PCDH15: variants seen among roughly 807,000 people sequenced by gnomAD.
The protein encoded by PCDH15 is protocadherin related 15, also known as protocadherin-15.
A neutral mutation model predicts 178.5 loss-of-function variants in PCDH15; 129 were observed. That is an observed-to-expected ratio of 0.72 (90% confidence interval 0.63 to 0.84). The LOEUF is 0.84. Among genes scored for constraint, PCDH15 ranks in the 40% least tolerant of loss-of-function variants. PCDH15 has a pLI of 0.00. For missense variants in PCDH15, 2,230 were observed against 2,099.9 expected, an observed-to-expected ratio of 1.06 and a Z score of -1.21; for synonymous variants, 800 against 732.0, an observed-to-expected ratio of 1.09 and a Z score of -1.50.
intron 25 of PCDH15, among the ~76,000 whole-genome samples, chr10:53,920,781 T>G (rs1004580201): frequency 2.0e-5 from 3 of 152,176 alleles, no homozygotes; most frequent in African/African-American, 7.2e-5. Flanking sequence ...ACATTTTTTT[T>G]CCTCCTGAAA....
chr10:53,876,468 G>A (rs1002909787), intron 26 of PCDH15, among the ~76,000 whole-genome samples: 2 of 152,078 alleles, frequency 1.3e-5, no homozygotes, highest in Non-Finnish European at 2.9e-5. Context: ...TTACAGGCAT[G>A]AGCCACCGCG....
intron 1 of PCDH15, among the ~76,000 whole-genome samples, chr10:55,182,664 T>C (rs144699546): frequency 1.1e-4 from 16 of 152,124 alleles, no homozygotes; most frequent in Middle Eastern, 3.4e-3. Context: ...ATGGTATGTA[T>C]GATGTAAGTG....
chr10:53,822,891 G>C lies in PCDH15; in HGVS notation c.4368-2661C>G, dbSNP rs1395111195. On this transcript the variant is annotated intron_variant, in intron 32 of 37. Transcript: ENST00000644397. ...ACCTCTTTTGTTTGTACAGATTCCA[G>C]TGTTTTCATTTTCAGCTTTCTGCCT... is the stretch of plus-strand genomic sequence containing the variant. 6.2e-7 allele frequency: 1 copy of C among 1,614,102 alleles called. No homozygotes were observed. Among genetic ancestry groups the C allele is most frequent in the East Asian group, 2.2e-5 (1 of 44,864 alleles).
intron 13 of PCDH15, among the ~76,000 whole-genome samples, chr10:54,182,107 G>A (rs2048040957): frequency 6.6e-6 from 1 of 152,128 alleles, no homozygotes; most frequent in African/African-American, 2.4e-5. Flanking sequence ...ACAGGCGCAT[G>A]CCGCCACGTC....
At chr10:54,348,320 G>A (rs2134206175) in intron 5 of PCDH15, among the ~76,000 whole-genome samples, 2 of 152,292 alleles carry the variant, frequency 1.3e-5, no homozygotes, top group Middle Eastern at 6.8e-3. Context: ...TTTCCTAGCA[G>A]GCAGCATTGA....
intron 2 of PCDH15, among the ~76,000 whole-genome samples, chr10:54,565,317 C>T (rs1211917265): frequency 6.6e-6 from 1 of 152,194 alleles, no homozygotes; most frequent in Non-Finnish European, 1.5e-5. Context: ...ACTCCAATCA[C>T]ATCCAGCTAT....
intron 1 of PCDH15, among the ~76,000 whole-genome samples, chr10:55,277,260 T>C (rs949318809): frequency 1.3e-5 from 2 of 152,092 alleles, no homozygotes; most frequent in Non-Finnish European, 2.9e-5. Flanking sequence ...AATCTAAGTT[T>C]CTTTGCAACC....
intron 2 of PCDH15, among the ~76,000 whole-genome samples, chr10:55,086,220 T>C (rs950010150): frequency 2.0e-5 from 3 of 152,008 alleles, no homozygotes; most frequent in African/African-American, 7.2e-5. Flanking sequence ...CAGTACTTCA[T>C]TGTAATCACT....
At chr10:54,807,566 A>G (rs1020635212) in intron 3 of PCDH15, among the ~76,000 whole-genome samples, 2 of 151,714 alleles carry the variant, frequency 1.3e-5, no homozygotes, top group Non-Finnish European at 2.9e-5. Flanking sequence ...TAAAAGGTCA[A>G]GCCAGCCTTA....
rs1009375703 is a variant in PCDH15 at position 53,804,667 on chromosome 10, A to G, written c.*1912T>C. The G allele has an allele frequency of 1.3e-5, 2 of 152,012 alleles. No homozygotes were observed. Among genetic ancestry groups the G allele is most frequent in the Non-Finnish European group, 2.9e-5 (2 of 67,928 alleles). The allele number at this position is 152,012 out of a possible 1,614,324, so 9.4% of individuals were successfully genotyped here. ...GAGATGATCTGGGGGTATCAAGATA[A>G]TATTAAATTATATTCGATGACCTCT... is the stretch of plus-strand genomic sequence containing the variant. On this transcript the variant is annotated 3_prime_UTR_variant, in exon 38 of 38. Transcript: ENST00000644397.
At chr10:55,528,614 T>G (rs1841367202) in intron 2 of PCDH15, among the ~76,000 whole-genome samples, 1 of 152,170 alleles carries the variant, frequency 6.6e-6, no homozygotes, top group South Asian at 2.1e-4. Flanking sequence ...ATTTTCTTAA[T>G]CCAGTCTTTC....
chr10:54,272,926 A>T (rs1383353926), intron 8 of PCDH15, among the ~76,000 whole-genome samples: 1 of 152,186 alleles, frequency 6.6e-6, no homozygotes, highest in Non-Finnish European at 1.5e-5. Context: ...AACAAATCGT[A>T]ACACCTAAGG....
intron 2 of PCDH15, among the ~76,000 whole-genome samples, chr10:55,121,358 T>C (rs1385071534): frequency 1.3e-5 from 2 of 149,020 alleles, no homozygotes; most frequent in African/African-American, 4.9e-5. Context: ...GGCTCAGAGC[T>C]GGGGGGGGGC....
chr10:55,146,562 C>T (rs904929527), intron 2 of PCDH15, among the ~76,000 whole-genome samples: 7 of 151,780 alleles, frequency 4.6e-5, no homozygotes, highest in Non-Finnish European at 8.8e-5. Context: ...TTCTGTAACA[C>T]GTGATAATTT....
chr10:54,501,469 A>G (rs924231924), intron 3 of PCDH15, among the ~76,000 whole-genome samples: 3 of 152,160 alleles, frequency 2.0e-5, no homozygotes, highest in African/African-American at 7.2e-5. Context: ...TATTCCATCT[A>G]AAGTGATAAT....
At chr10:54,787,282 A>C (rs2133496349) in intron 1 of PCDH15, among the ~76,000 whole-genome samples, 1 of 150,708 alleles carries the variant, frequency 6.6e-6, no homozygotes, top group South Asian at 2.1e-4. Context: ...AAAAAAAAAC[A>C]ATTTTTACAA....
intron 29 of PCDH15, among the ~76,000 whole-genome samples, chr10:53,834,187 C>T (rs1043112733): frequency 6.6e-6 from 1 of 152,100 alleles, no homozygotes; most frequent in African/African-American, 2.4e-5. Context: ...AAGACTACCA[C>T]CGTGTAGGAA....
At chr10:55,320,631 G>A (rs1044942942), upstream of PCDH15, among the ~76,000 whole-genome samples, 7 of 152,124 alleles carry the variant, frequency 4.6e-5, no homozygotes, top group Non-Finnish European at 7.3e-5. Context: ...AAAAAGCCAG[G>A]GGCCTGATGC....
At chr10:55,305,255 T>A (rs116979946) in intron 1 of PCDH15, among the ~76,000 whole-genome samples, 43 of 152,318 alleles carry the variant, frequency 2.8e-4, no homozygotes, top group Non-Finnish European at 5.6e-4. Context: ...ACCCACCAGT[T>A]GAATTGGATC....
Sources: allele counts gnomAD v4.1 joint callset (sites outside exome capture counted in the v4.1 genomes callset), GRCh38; gene constraint gnomAD v4.1.1; transcripts MANE v1.5; gene names NCBI Gene and HGNC (gene_info 2026-07-23, HGNC 2026-07-21).